TRPC4AP: variants seen among roughly 807,000 people sequenced by gnomAD.
The protein encoded by TRPC4AP is transient receptor potential cation channel subfamily C member 4 associated protein.
Under a neutral mutation model 99.0 loss-of-function variants are expected in TRPC4AP, and 45 were observed. The ratio of observed to expected loss-of-function variants is 0.45; its 90% confidence interval spans 0.36 to 0.58. The LOEUF (loss-of-function observed/expected upper bound fraction) is 0.58. Ranked by LOEUF, TRPC4AP falls within the 20% of genes least tolerant of loss-of-function variation. The probability of loss-of-function intolerance (pLI) is 0.00; values close to 1 mark genes in which losing one functional copy is unlikely to be tolerated. For missense variants in TRPC4AP, 879 were observed against 985.3 expected, an observed-to-expected ratio of 0.89 and a Z score of 1.44; for synonymous variants, 408 against 385.8, an observed-to-expected ratio of 1.06 and a Z score of -0.67.
At chr20:35,085,130 G>C (rs2084803024) in intron 1 of TRPC4AP, among the ~76,000 whole-genome samples, 1 of 152,140 alleles carries the variant, frequency 6.6e-6, no homozygotes, top group Non-Finnish European at 1.5e-5. Flanking sequence ...AAAAGAAATA[G>C]CTAAGTATGG....
chr20:35,081,840 C>T (rs2084655385), intron 1 of TRPC4AP, among the ~76,000 whole-genome samples: 2 of 151,840 alleles, frequency 1.3e-5, no homozygotes, highest in Non-Finnish European at 2.9e-5. Flanking sequence ...GCAAAATTAG[C>T]TGGGCATGGT....
intron 14 of TRPC4AP, 74 bp from the exon 15 acceptor site, chr20:35,006,649 T>C (rs2082524340): frequency 3.2e-6 from 5 of 1,559,070 alleles, no homozygotes; most frequent in South Asian, 1.2e-5. Context: ...GCTCAGACCA[T>C]GCATTGGCTT....
At chr20:35,010,729 C>A (rs1483471317) in intron 11 of TRPC4AP, among the ~76,000 whole-genome samples, 2 of 152,140 alleles carry the variant, frequency 1.3e-5, no homozygotes, top group African/African-American at 4.8e-5. Flanking sequence ...GCCATCCAGG[C>A]CTGTCACTGC....
chr20:35,012,213 G>A lies in TRPC4AP; in HGVS notation c.1409+795C>T, dbSNP rs1413553360. On this transcript the variant is annotated intron_variant, in intron 11 of 18. Coordinates refer to ENST00000252015, the MANE Select transcript of TRPC4AP (RefSeq NM_015638.3). ...CAGAGGATGGGTGCATATGATGGAGGTGCCCTGGGGCCACAGCTGTCTCCA... is the reference window on the plus strand; with the variant it reads ...CAGAGGATGGGTGCATATGATGGAGATGCCCTGGGGCCACAGCTGTCTCCA... 2.6e-5 allele frequency among the ~76,000 whole-genome samples: 4 copies of A among 152,250 alleles called. No homozygotes were observed. The East Asian group carries it at 5.8e-4, about 22-fold the overall frequency.
chr20:35,013,147 C>T lies in TRPC4AP; in HGVS notation c.1351-81G>A, dbSNP rs2082676256. On this transcript the variant is annotated intron_variant, in intron 10 of 18. Coordinates refer to ENST00000252015, the MANE Select transcript of TRPC4AP (RefSeq NM_015638.3). The stretch of plus-strand genomic sequence containing the variant: ...ACACAAGCAGACACTCTGGTGGGAG[C>T]CTGCTTCTCTAAGCCTCTGTCCTCA... The T allele has an allele frequency of 3.0e-6, 4 of 1,355,356 alleles. No individual in the cohort carries two copies. The Admixed American group carries it at 6.7e-5, about 23-fold the overall frequency. The allele number at this position is 1,355,356 out of a possible 1,614,324, so 84.0% of individuals were successfully genotyped here. A position where few individuals can be genotyped will look rare whatever the true frequency, so the allele number is the denominator to read the frequency against.
In TRPC4AP at chr20:35,068,972, CACACACAA is replaced by C. The variant is rs781297898; in HGVS notation, c.414+316_414+323del. ...ACACACACACACACACACACACACA[CACACACAA>C]AAAAAACAAAACATCTTAAGCAGGA... On this transcript the variant is annotated intron_variant, in intron 3 of 18. Transcript: ENST00000252015. Among the ~76,000 whole-genome samples, 44 of 54,402 alleles carry C rather than the reference CACACACAA, an allele frequency of 8.1e-4. 1 individual carries two copies. The highest frequency in any genetic ancestry group is 4.4e-3 in the Admixed American group (19 of 4,306). The allele number at this position is 54,402 out of a possible 152,430, so 35.7% of individuals were successfully genotyped here.
At chr20:35,046,239 C>T (rs2083560036) in intron 6 of TRPC4AP, among the ~76,000 whole-genome samples, 1 of 152,076 alleles carries the variant, frequency 6.6e-6, no homozygotes, top group Admixed American at 6.6e-5. Flanking sequence ...CCTTCTATTG[C>T]TAGCTTTTAT....
At chr20:35,022,489 G>C (rs1156608169) in intron 8 of TRPC4AP, among the ~76,000 whole-genome samples, 2 of 152,202 alleles carry the variant, frequency 1.3e-5, no homozygotes, top group African/African-American at 2.4e-5. Flanking sequence ...GCATTGGTCA[G>C]AGTCAGGAGA....
At chr20:35,063,279 C>A (rs1466907998) in intron 3 of TRPC4AP, among the ~76,000 whole-genome samples, 1 of 152,198 alleles carries the variant, frequency 6.6e-6, no homozygotes, top group Non-Finnish European at 1.5e-5. Flanking sequence ...GTCAATTAAA[C>A]CTCCTTCCTT....
chr20:35,051,837 C>G (rs952896801), intron 5 of TRPC4AP, among the ~76,000 whole-genome samples: 1 of 152,254 alleles, frequency 6.6e-6, no homozygotes, highest in Admixed American at 6.5e-5. Flanking sequence ...ACTAGCTACC[C>G]TTGACTACCC....
rs959238812 is a variant in TRPC4AP, at chr20:35,044,891, T to C, written c.658-179A>G. 1.3e-5 allele frequency among the ~76,000 whole-genome samples: 2 copies of C among 152,166 alleles called. 1 individual carries two copies. The highest frequency in any genetic ancestry group is 4.1e-4 in the South Asian group (2 of 4,832). On this transcript the variant is annotated intron_variant, in intron 6 of 18. Transcript: ENST00000252015. The stretch of plus-strand genomic sequence containing the variant: ...TAAGTTACAAAAACCTTTCGAGTCT[T>C]TGCTTGTTTATCTGTAAAACGGAAC...
intron 5 of TRPC4AP, among the ~76,000 whole-genome samples, chr20:35,054,126 A>G (rs969449007): frequency 6.6e-6 from 1 of 151,682 alleles, no homozygotes; most frequent in African/African-American, 2.4e-5. Context: ...TAGATTTTGC[A>G]TACACCCACA....
chr20:35,057,014 G>C (rs1007113761), intron 4 of TRPC4AP, among the ~76,000 whole-genome samples: 3 of 114,668 alleles, frequency 2.6e-5, no homozygotes, highest in Admixed American at 9.5e-5. Flanking sequence ...TACCTAAAAA[G>C]AATTATTTGT....
chr20:35,050,911 C>T (rs139112105), intron 5 of TRPC4AP, among the ~76,000 whole-genome samples: 3 of 151,938 alleles, frequency 2.0e-5, no homozygotes, highest in Admixed American at 6.6e-5. Flanking sequence ...GTGAGAGGAC[C>T]GCTTGAGGCC....
At chr20:35,090,448 C>T (rs1356386148) in intron 1 of TRPC4AP, among the ~76,000 whole-genome samples, 1 of 135,786 alleles carries the variant, frequency 7.4e-6, no homozygotes, top group Non-Finnish European at 1.5e-5. Context: ...GTGATCTCAG[C>T]TCACAACCTC....
At chr20:35,078,511 G>A (rs1294336454) in intron 1 of TRPC4AP, among the ~76,000 whole-genome samples, 6 of 152,080 alleles carry the variant, frequency 3.9e-5, no homozygotes, top group African/African-American at 1.4e-4. Context: ...TATGCTAAGA[G>A]ATGAAAAATA....
At position 35,008,647 on chromosome 20, in the gene TRPC4AP, C is replaced by T; in HGVS notation, c.1595+17G>A. On this transcript the variant is annotated intron_variant, in intron 13 of 18. Coordinates refer to ENST00000252015, the MANE Select transcript of TRPC4AP (RefSeq NM_015638.3). ...TGCAGCCCCGCAGAATCGGCAGGTA[C>T]TTTTCCCCAGACTCACCTGAAAGAC... The T allele has an allele frequency of 6.2e-7, 1 of 1,610,396 alleles. No homozygotes were observed.
At chr20:35,045,221 T>C (rs2083531424) in intron 6 of TRPC4AP, among the ~76,000 whole-genome samples, 1 of 152,216 alleles carries the variant, frequency 6.6e-6, no homozygotes, top group Non-Finnish European at 1.5e-5. Context: ...TACTTACAAA[T>C]ATTTCCATTA....
At chr20:35,034,782 G>A (rs2083280778) in intron 8 of TRPC4AP, among the ~76,000 whole-genome samples, 1 of 152,102 alleles carries the variant, frequency 6.6e-6, no homozygotes, top group African/African-American at 2.4e-5. Context: ...CAGTGAGAGA[G>A]AAGACTAAGA....
Sources: gnomAD v4.1 joint callset for allele counts (sites outside exome capture counted in the v4.1 genomes callset) on GRCh38, gnomAD v4.1.1 for gene constraint, MANE v1.5 for transcripts, NCBI Gene and HGNC (gene_info 2026-07-23, HGNC 2026-07-21) for gene names.